Variants in FAT3 observed in about 807,000 individuals in gnomAD.
The protein encoded by FAT3 is protocadherin Fat 3.
In FAT3, 95 loss-of-function variants were observed where a neutral mutation model predicts 310.2. That is an observed-to-expected ratio of 0.31 (90% CI 0.26 to 0.36). The LOEUF is 0.36. Ranked by LOEUF, FAT3 falls within the 10% of genes least tolerant of loss-of-function variation. The probability of loss-of-function intolerance (pLI) is 1.00; values close to 1 mark genes in which losing one functional copy is unlikely to be tolerated. For synonymous variants in FAT3, 2,314 were observed against 2,192.9 expected (o/e 1.06, Z -1.54); for missense variants, 5,408 against 5,715.6 (o/e 0.95, Z 1.74).
intron 4 of FAT3, among the ~76,000 whole-genome samples, chr11:92,720,804 T>C (rs1944838667): frequency 6.6e-6 from 1 of 152,224 alleles, no homozygotes; most frequent in African/African-American, 2.4e-5. Context: ...ATTATTAAAC[T>C]ATACCTGTGC....
chr11:92,454,162 C>T (rs1951437160), intron 2 of FAT3, among the ~76,000 whole-genome samples: 1 of 152,138 alleles, frequency 6.6e-6, no homozygotes, highest in African/African-American at 2.4e-5. Context: ...TGCAAATTTA[C>T]ACTTAAAGCA....
At chr11:92,322,898 A>T (rs1451703658) in intron 1 of FAT3, among the ~76,000 whole-genome samples, 1 of 152,094 alleles carries the variant, frequency 6.6e-6, no homozygotes, top group African/African-American at 2.4e-5. Context: ...AACTTTTTCC[A>T]AACTCCTGTT....
intron 3 of FAT3, among the ~76,000 whole-genome samples, chr11:92,644,540 C>T (rs530624930): frequency 6.6e-6 from 1 of 152,292 alleles, no homozygotes; most frequent in East Asian, 1.9e-4. Context: ...ATGTTCACTT[C>T]CTAACACCCC....
chr11:92,588,791 A>G (rs948370495), intron 3 of FAT3, among the ~76,000 whole-genome samples: 2 of 151,648 alleles, frequency 1.3e-5, no homozygotes, highest in African/African-American at 2.4e-5. Context: ...ATGCTTATCT[A>G]TAGCCAGTCC....
chr11:92,839,680 G>C (rs1258144818), intron 17 of FAT3, among the ~76,000 whole-genome samples: 4 of 152,166 alleles, frequency 2.6e-5, no homozygotes, highest in Admixed American at 6.5e-5. Context: ...TCCTTAGGTC[G>C]ATGGCATCAG....
chr11:92,562,638 C>A (rs552096502), intron 3 of FAT3, among the ~76,000 whole-genome samples: 36 of 152,202 alleles, frequency 2.4e-4, no homozygotes, highest in African/African-American at 6.5e-4. Flanking sequence ...GCTGATGGTG[C>A]AATTCAGTTA....
At chr11:92,759,072 G>C (rs2136076332) in intron 4 of FAT3, among the ~76,000 whole-genome samples, 1 of 152,280 alleles carries the variant, frequency 6.6e-6, no homozygotes, top group Non-Finnish European at 1.5e-5. Flanking sequence ...TGGAGAATTA[G>C]CAGCATGTAG....
chr11:92,550,739 C>T (rs1954783022), intron 3 of FAT3, among the ~76,000 whole-genome samples: 1 of 150,678 alleles, frequency 6.6e-6, no homozygotes, highest in Admixed American at 6.6e-5. Flanking sequence ...TTAGAATTAC[C>T]TTGTTCCTTT....
intron 3 of FAT3, among the ~76,000 whole-genome samples, chr11:92,687,585 T>C (rs2135878176): frequency 6.6e-6 from 1 of 152,308 alleles, no homozygotes; most frequent in East Asian, 1.9e-4. Context: ...TAGTGATTCT[T>C]ATATGTGTCT....
At chr11:92,608,414 T>C (rs942883085) in intron 3 of FAT3, among the ~76,000 whole-genome samples, 12 of 152,166 alleles carry the variant, frequency 7.9e-5, no homozygotes, top group African/African-American at 2.9e-4. Flanking sequence ...CTTGTGTTCA[T>C]GCTTTCATAT....
chr11:92,798,457 T>C lies in FAT3; in HGVS notation c.5444T>C (p.Ile1815Thr), dbSNP rs772142082. Residue 1815 changes from isoleucine to threonine, a missense_variant, in exon 10 of 28, where the codon ATT (isoleucine) becomes ACT (threonine). Transcript: ENST00000525166. ...CGGAATGCTCTGCTTGTGTATCAGA[T>C]TGTGGAGTCAACAGCAAAAAAGTTT... is the stretch of plus-strand genomic sequence containing the variant. ...SNRNALLVYQIVESTAKKFFT... is the reference protein window; with the variant it reads ...SNRNALLVYQTVESTAKKFFT... The C allele has an allele frequency of 5.6e-6, 9 of 1,613,422 alleles. No homozygotes were observed. Among genetic ancestry groups the C allele is most frequent in the Non-Finnish European group, 6.8e-6 (8 of 1,179,826 alleles).
intron 23 of FAT3, among the ~76,000 whole-genome samples, chr11:92,881,683 C>T (rs1022528576): frequency 1.3e-5 from 2 of 151,940 alleles, no homozygotes; most frequent in Admixed American, 6.6e-5. Context: ...GTGATTGGAC[C>T]TTTTAAATAT....
intron 1 of FAT3, among the ~76,000 whole-genome samples, chr11:92,321,420 G>A (rs980487054): frequency 1.3e-5 from 2 of 151,440 alleles, no homozygotes; most frequent in East Asian, 3.9e-4. Flanking sequence ...CTGAGCAACA[G>A]GGCGAGACTC....
At chr11:92,266,705 T>C (rs1945965415) in intron 1 of FAT3, among the ~76,000 whole-genome samples, 1 of 152,134 alleles carries the variant, frequency 6.6e-6, no homozygotes. Flanking sequence ...TGGCAGAAAT[T>C]GCAGAGACTA....
intron 2 of FAT3, among the ~76,000 whole-genome samples, chr11:92,474,419 T>C (rs1174877260): frequency 2.0e-5 from 3 of 152,200 alleles, no homozygotes; most frequent in East Asian, 1.9e-4. Flanking sequence ...CTAAAATAAT[T>C]CTGGGCTTGG....
chr11:92,354,637 A>C lies in FAT3; in HGVS notation c.2525A>C (p.Glu842Ala), dbSNP rs1462487573. 1 of 1,613,868 alleles carries C rather than the reference A, an allele frequency of 6.2e-7. No individual in the cohort carries two copies. Among genetic ancestry groups the C allele is most frequent in the South Asian group, 1.1e-5 (1 of 91,088 alleles). Residue 842 changes from glutamate to alanine, a missense_variant, in exon 2 of 28, where the codon GAA (glutamate) becomes GCA (alanine). Around this residue, in one of 5 missense-constraint regions of FAT3, gnomAD observed 4,588 missense variants for 4,809.8 expected, o/e 0.95. Coordinates refer to ENST00000525166, the MANE Select transcript of FAT3 (RefSeq NM_001367949.2). ...GACAGTTACTCAGTTAACATTCTTG[A>C]AAGTTCAGGCATTGGTACTGAAATC... ...IQDSYSVNIL[E>A]SSGIGTEIIQ...
chr11:92,566,679 C>A (rs1256301942), intron 3 of FAT3, among the ~76,000 whole-genome samples: 1 of 149,854 alleles, frequency 6.7e-6, no homozygotes, highest in Admixed American at 6.6e-5. Flanking sequence ...GGTACTGGTA[C>A]CAAAACAGAG....
intron 1 of FAT3, among the ~76,000 whole-genome samples, chr11:92,309,213 G>A (rs1046832087): frequency 2.9e-5 from 4 of 136,484 alleles, no homozygotes; most frequent in Non-Finnish European, 6.0e-5. Context: ...CTGCCCCAGA[G>A]TGCACCGGCT....
chr11:92,830,665 A>T (rs538003462), intron 13 of FAT3, among the ~76,000 whole-genome samples: 1 of 152,036 alleles, frequency 6.6e-6, no homozygotes, highest in South Asian at 2.1e-4. Flanking sequence ...TGCACATCTC[A>T]CACTTAATCT....
Sources: gnomAD v4.1 joint callset for allele counts (sites outside exome capture counted in the v4.1 genomes callset) on GRCh38, gnomAD v4.1.1 for gene constraint, gnomAD v4.1.1 regional missense constraint, MANE v1.5 for transcripts, NCBI Gene and HGNC (gene_info 2026-07-23, HGNC 2026-07-21) for gene names.